Variants in DNAJC16 observed in about 807,000 individuals in gnomAD.
DNAJC16 encodes the protein DnaJ heat shock protein family (Hsp40) member C16.
A neutral mutation model predicts 92.7 loss-of-function variants in DNAJC16; 76 were observed. That is an observed-to-expected ratio of 0.82 (90% CI 0.68 to 0.99). The LOEUF (loss-of-function observed/expected upper bound fraction) is 0.99. DNAJC16 is among the 50% of genes least tolerant of loss of function. The pLI is 0.00. For missense variants in DNAJC16, 869 were observed against 942.4 expected, an observed-to-expected ratio of 0.92 and a Z score of 1.02; for synonymous variants, 328 against 358.7, an observed-to-expected ratio of 0.91 and a Z score of 0.97.
At chr1:15,566,945 C>T in intron 13 of DNAJC16, 154 bp from the exon 14 acceptor site, 1 of 619,904 alleles carries the variant, frequency 1.6e-6, no homozygotes, top group Non-Finnish European at 2.7e-6. Context: ...CCAAGTCAGG[C>T]CATCCCCATC....
intron 5 of DNAJC16, 95 bp downstream of exon 5, chr1:15,544,678 C>T (rs1570910839): frequency 7.9e-7 from 1 of 1,261,146 alleles, no homozygotes; most frequent in East Asian, 2.3e-5. Flanking sequence ...TCCTCTCAAA[C>T]CTGAGTTTCA....
intron 7 of DNAJC16, among the ~76,000 whole-genome samples, chr1:15,556,285 A>G (rs1462236647): frequency 6.6e-6 from 1 of 151,976 alleles, no homozygotes; most frequent in Non-Finnish European, 1.5e-5. Flanking sequence ...CCCAGGCTGG[A>G]GTGCAATGGC....
chr1:15,546,915 C>CTT (rs76961003), intron 6 of DNAJC16, 44 bp downstream of exon 6: 4,983 of 902,542 alleles, frequency 5.5e-3, no homozygotes, highest in African/African-American at 9.3e-3. Flanking sequence ...CTTTTCTTTT[C>CTT]TTTTTTTTTT....
intron 4 of DNAJC16, among the ~76,000 whole-genome samples, chr1:15,538,007 A>G (rs1710834066): frequency 6.6e-6 from 1 of 152,222 alleles, no homozygotes; most frequent in Non-Finnish European, 1.5e-5. Context: ...GAAGTTGAGC[A>G]TCTTGAAATC....
At chr1:15,558,683 AT>A (rs954357289) in intron 7 of DNAJC16, among the ~76,000 whole-genome samples, 1 of 152,132 alleles carries the variant, frequency 6.6e-6, no homozygotes, top group Non-Finnish European at 1.5e-5. Context: ...TCTGGTTTGC[AT>A]TTTAAATGGA....
rs1365969723 is a variant in DNAJC16, at chr1:15,569,395, G to GGTCA, written c.*1220_*1223dup. ...CTTAGAGCTGCTTCACCAGTATTGG[G>GGTCA]GTCAGACTGGCCATCAGCACCTGAG... is the stretch of plus-strand genomic sequence containing the variant. On this transcript the variant is annotated 3_prime_UTR_variant, in exon 15 of 15. Coordinates refer to ENST00000375847, the MANE Select transcript of DNAJC16 (RefSeq NM_015291.4). The GGTCA allele has an allele frequency of 6.6e-6, 1 of 152,100 alleles. No homozygotes were observed. The highest frequency in any genetic ancestry group is 2.4e-5 in the African/African-American group (1 of 41,408). 9.4% of individuals were successfully genotyped at this position (152,100 alleles called of 1,614,324 possible).
rs770600583 is a variant in DNAJC16, at chr1:15,567,170, G to A, written c.1850G>A (p.Arg617His). The change falls in exon 14 of 15, where the codon CGT becomes CAT. Residue 617 changes from arginine to histidine, a missense_variant. Coordinates refer to ENST00000375847, the MANE Select transcript of DNAJC16 (RefSeq NM_015291.4). ...TDVTYTSNLV[R>H]LRPGHMNVVL... is the part of the protein sequence containing the mutation. ...GTAACATACACCAGTAACTTGGTAC[G>A]TCTGAGGCCAGGCCACATGAATGTG... The A allele has an allele frequency of 8.1e-6, 13 of 1,613,986 alleles. No individual in the cohort carries two copies. Among genetic ancestry groups the A allele is most frequent in the East Asian group, 6.7e-5 (3 of 44,904 alleles).
intron 4 of DNAJC16, among the ~76,000 whole-genome samples, chr1:15,544,094 T>C (rs753986356): frequency 1.3e-5 from 2 of 150,926 alleles, no homozygotes; most frequent in Non-Finnish European, 1.5e-5. Flanking sequence ...AGAAAAGTTG[T>C]TCAAGTATTA....
At chr1:15,531,927 A>T (rs1458797673) in intron 2 of DNAJC16, among the ~76,000 whole-genome samples, 1 of 152,224 alleles carries the variant, frequency 6.6e-6, no homozygotes, top group Non-Finnish European at 1.5e-5. Flanking sequence ...AGCAGGGGGA[A>T]GTGGTTACTT....
At chr1:15,563,439 G>A (rs1159439554) in intron 9 of DNAJC16, among the ~76,000 whole-genome samples, 1 of 151,982 alleles carries the variant, frequency 6.6e-6, no homozygotes, top group Non-Finnish European at 1.5e-5. Context: ...TGAGGCACGA[G>A]AATTGCTTGA....
rs774160972 is a variant in DNAJC16 at position 15,536,675 on chromosome 1, C to G, written c.435C>G (p.His145Gln). The change falls in exon 4 of 15, where the codon CAC (histidine) becomes CAG (glutamine). Residue 145 changes from histidine (H) to glutamine (Q), a missense_variant. Coordinates refer to ENST00000375847, the MANE Select transcript of DNAJC16 (RefSeq NM_015291.4). ...RDSIDEKYLL[H>Q]FSHYVNEVVP... is the part of the protein sequence containing the mutation. The stretch of plus-strand genomic sequence containing the variant: ...CAATTGACGAAAAGTATTTATTGCA[C>G]TTTTCACATTATGTGAATGAAGTGG... 3 of 1,614,140 alleles carry G rather than the reference C, an allele frequency of 1.9e-6. No individual in the cohort carries two copies. The Admixed American group carries it at 5.0e-5, about 27-fold the overall frequency.
chr1:15,539,498 G>A (rs1237564350), intron 4 of DNAJC16, among the ~76,000 whole-genome samples: 2 of 151,728 alleles, frequency 1.3e-5, no homozygotes, highest in East Asian at 1.9e-4. Context: ...CGCCCACCTC[G>A]GTCTCCCAAA....
intron 9 of DNAJC16, 121 bp downstream of exon 9, chr1:15,562,446 A>T: frequency 9.5e-7 from 1 of 1,056,328 alleles, no homozygotes; most frequent in Non-Finnish European, 1.3e-6. Flanking sequence ...TCTGAAGCCT[A>T]TTTTCAAAGT....
intron 7 of DNAJC16, among the ~76,000 whole-genome samples, chr1:15,555,747 G>A (rs1343867659): frequency 2.0e-5 from 3 of 150,784 alleles, no homozygotes; most frequent in African/African-American, 7.3e-5. Context: ...TAGCACTTTG[G>A]GAGGCCAAGT....
intron 4 of DNAJC16, among the ~76,000 whole-genome samples, chr1:15,540,068 G>A (rs932532174): frequency 2.6e-5 from 4 of 152,132 alleles, no homozygotes; most frequent in Non-Finnish European, 5.9e-5. Context: ...GCTCATGCCT[G>A]TAATCCCAGC....
In DNAJC16 at chr1:15,564,986, C is replaced by T. The variant is rs958927724; in HGVS notation, c.1598+627C>T. On this transcript the variant is annotated intron_variant, in intron 11 of 14. Coordinates refer to ENST00000375847, the MANE Select transcript of DNAJC16 (RefSeq NM_015291.4). ...AGAAGCTGAGATTACAGGCACCCAC[C>T]ACCATGCCCAGCTAATTTTTGTATG... Among the ~76,000 whole-genome samples the T allele has an allele frequency of 1.3e-4, 19 of 151,626 alleles. 1 individual carries two copies.
chr1:15,566,359 G>T, intron 13 of DNAJC16, 179 bp downstream of exon 13: 1 of 585,890 alleles, frequency 1.7e-6, no homozygotes. Flanking sequence ...CCCTGTAGGT[G>T]TTTAGATGCC....
rs188324151 is a variant in DNAJC16 at position 15,568,384 on chromosome 1, T to C, written c.*207T>C. 7.7e-4 allele frequency: 427 copies of C among 553,170 alleles called. 1 individual carries two copies. The highest frequency in any genetic ancestry group is 6.1e-3 in the Middle Eastern group (13 of 2,142). The allele number at this position is 553,170 out of a possible 1,614,324, so 34.3% of individuals were successfully genotyped here. A position where few individuals can be genotyped will look rare whatever the true frequency, so the allele number is the denominator to read the frequency against. On this transcript the variant is annotated 3_prime_UTR_variant, in exon 15 of 15. Transcript: ENST00000375847. The stretch of plus-strand genomic sequence containing the variant: ...GTTTGAATCGCCTAGATGAAAATCT[T>C]TTCCTCTGGGTGTTATTTTTCCCCA...
intron 7 of DNAJC16, among the ~76,000 whole-genome samples, chr1:15,549,780 T>C (rs955222224): frequency 7.4e-6 from 1 of 135,974 alleles, no homozygotes; most frequent in Non-Finnish European, 1.5e-5. Flanking sequence ...CGCCGCCCAC[T>C]GCACTCCAGC....
Sources: gnomAD v4.1 joint callset for allele counts (sites outside exome capture counted in the v4.1 genomes callset) on GRCh38, gnomAD v4.1.1 for gene constraint, MANE v1.5 for transcripts, NCBI Gene and HGNC (gene_info 2026-07-23, HGNC 2026-07-21) for gene names.